GAS7: variants seen among roughly 807,000 people sequenced by gnomAD.
GAS7 encodes the protein growth arrest specific 7.
A neutral mutation model predicts 71.1 loss-of-function variants in GAS7; 28 were observed. The ratio of observed to expected loss-of-function variants is 0.39; its 90% CI spans 0.29 to 0.54. The LOEUF is 0.54. Among genes scored for constraint, GAS7 ranks in the 20% least tolerant of loss-of-function variants. The pLI is 0.62. For synonymous variants in GAS7, 258 were observed against 245.8 expected (o/e 1.05, Z -0.46); for missense variants, 436 against 627.8 (o/e 0.69, Z 3.27).
intron 1 of GAS7, among the ~76,000 whole-genome samples, chr17:10,143,562 T>C (rs1485185236): frequency 8.3e-6 from 1 of 120,670 alleles, no homozygotes; most frequent in South Asian, 2.5e-4. Context: ...AAAAAAAAAT[T>C]GGACATAAAG....
Position 9,913,020 on chromosome 17 carries a change from TAATC to T in GAS7, c.*4204_*4207del, listed in dbSNP as rs1179940683. ...GAAAAGGCAAAATTATAGGATCAGA[TAATC>T]AATCAGGGTTGCCAGGGAAAGAGGG... On this transcript the variant is annotated 3_prime_UTR_variant, in exon 14 of 14. Transcript: ENST00000432992. 1 of 232,658 alleles carries T rather than the reference TAATC, an allele frequency of 4.3e-6. No individual in the cohort carries two copies. The highest frequency in any genetic ancestry group is 8.5e-6 in the Non-Finnish European group (1 of 117,742). 14.4% of individuals were successfully genotyped at this position (232,658 alleles called of 1,614,324 possible). A position where few individuals can be genotyped will look rare whatever the true frequency, so the allele number is the denominator to read the frequency against.
chr17:9,932,469 A>G (rs1374056982), intron 9 of GAS7, among the ~76,000 whole-genome samples: 1 of 152,226 alleles, frequency 6.6e-6, no homozygotes, highest in Non-Finnish European at 1.5e-5. Flanking sequence ...CTGGGATTAC[A>G]GGCGTGAGCC....
At chr17:10,070,584 G>A (rs919092389) in intron 1 of GAS7, among the ~76,000 whole-genome samples, 5 of 151,828 alleles carry the variant, frequency 3.3e-5, no homozygotes, top group Admixed American at 1.3e-4. Context: ...GGCTGGTCTC[G>A]AACTCCTGAC....
chr17:9,934,800 A>ATCTTGGC (rs2068339115), intron 8 of GAS7, among the ~76,000 whole-genome samples: 1 of 152,194 alleles, frequency 6.6e-6, no homozygotes, highest in Non-Finnish European at 1.5e-5. Flanking sequence ...CAATGGCGCG[A>ATCTTGGC]TCTTGGCTCA....
At chr17:10,073,639 T>C (rs969948764) in intron 1 of GAS7, among the ~76,000 whole-genome samples, 7 of 152,164 alleles carry the variant, frequency 4.6e-5, no homozygotes, top group African/African-American at 1.7e-4. Context: ...CGTGCGCACA[T>C]TAACGTTTGA....
chr17:9,926,296 G>A lies in GAS7; in HGVS notation c.1014+345C>T, dbSNP rs1323807313. On this transcript the variant is annotated intron_variant, in intron 10 of 13. Coordinates refer to ENST00000432992, the MANE Select transcript of GAS7 (RefSeq NM_201433.2). This position sits in a 1 kb window ranked among gnomAD's most constrained non-coding sequence, Gnocchi z 5.0. ...GACTGAGTCAGGACGACTCAGCCAG[G>A]TGAGGCTTAAACACGGGGCCCCACG... Among the ~76,000 whole-genome samples, 1 of 152,140 alleles carries A rather than the reference G, an allele frequency of 6.6e-6. No homozygotes were observed. The highest frequency in any genetic ancestry group is 1.5e-5 in the Non-Finnish European group (1 of 67,998).
chr17:10,022,919 C>T (rs966958421), intron 1 of GAS7, among the ~76,000 whole-genome samples: 2 of 152,198 alleles, frequency 1.3e-5, no homozygotes, highest in African/African-American at 2.4e-5. Flanking sequence ...GAGGGCTGGG[C>T]AGTGAGGAGA....
intron 5 of GAS7, among the ~76,000 whole-genome samples, chr17:9,956,746 C>T (rs1597540280): frequency 6.6e-6 from 1 of 152,206 alleles, no homozygotes; most frequent in East Asian, 1.9e-4. Context: ...CCCTTTGCTG[C>T]CCAGGCCTGG....
chr17:10,138,157 G>A (rs1020579479), intron 1 of GAS7, among the ~76,000 whole-genome samples: 10 of 151,448 alleles, frequency 6.6e-5, no homozygotes, highest in Non-Finnish European at 1.2e-4. Flanking sequence ...AGTAGAGACC[G>A]GGTTTCACCA....
chr17:9,987,028 G>A (rs1299584105), intron 2 of GAS7, among the ~76,000 whole-genome samples: 1 of 152,202 alleles, frequency 6.6e-6, no homozygotes, highest in East Asian at 1.9e-4. Flanking sequence ...TCCAATACAA[G>A]ATTCCCTAAT....
intron 2 of GAS7, among the ~76,000 whole-genome samples, chr17:10,010,934 A>G (rs1316974215): frequency 6.6e-6 from 1 of 152,250 alleles, no homozygotes; most frequent in East Asian, 1.9e-4. Context: ...ACAAAAGGGC[A>G]TGGCTGTGTT....
At position 9,936,185 on chromosome 17, in the gene GAS7, T is replaced by C. The variant is rs138020361; in HGVS notation, c.807-1941A>G. On this transcript the variant is annotated intron_variant, in intron 8 of 13. Transcript: ENST00000432992. ...CTCTAGGGTGAAAGCCAACACTATT[T>C]GAAGCATACCAAGGTTGTCCTGGGA... 7.7e-4 allele frequency among the ~76,000 whole-genome samples: 117 copies of C among 152,268 alleles called. 1 individual carries two copies. The highest frequency in any genetic ancestry group is 2.7e-3 in the African/African-American group (113 of 41,542).
At chr17:9,937,727 C>T (rs1488207080) in intron 8 of GAS7, among the ~76,000 whole-genome samples, 1 of 152,212 alleles carries the variant, frequency 6.6e-6, no homozygotes, top group Non-Finnish European at 1.5e-5. Context: ...CAGATTTGGA[C>T]TGGTTTAACA....
chr17:10,004,880 C>G (rs914134893), intron 2 of GAS7, among the ~76,000 whole-genome samples: 4 of 152,208 alleles, frequency 2.6e-5, no homozygotes, highest in Non-Finnish European at 4.4e-5. Context: ...TGTGGTGGCG[C>G]ATGCCTGTAA....
chr17:10,122,578 T>G (rs560613914), intron 1 of GAS7, among the ~76,000 whole-genome samples: 1 of 152,154 alleles, frequency 6.6e-6, no homozygotes, highest in Non-Finnish European at 1.5e-5. Flanking sequence ...TTAACAGCCA[T>G]GAAGAGGGGG....
intron 1 of GAS7, among the ~76,000 whole-genome samples, chr17:10,176,207 G>A (rs1430197304): frequency 3.3e-5 from 5 of 149,408 alleles, no homozygotes; most frequent in South Asian, 2.1e-4. Context: ...TTTCCTAATC[G>A]GATAGCAGGG....
At chr17:10,141,620 G>A (rs1156309271) in intron 1 of GAS7, among the ~76,000 whole-genome samples, 1 of 152,048 alleles carries the variant, frequency 6.6e-6, no homozygotes, top group African/African-American at 2.4e-5. Context: ...GGCCCAACAA[G>A]GCAGCATCAA....
intron 2 of GAS7, among the ~76,000 whole-genome samples, chr17:10,015,326 G>C (rs11867773): frequency 6.6e-6 from 1 of 152,172 alleles, no homozygotes; most frequent in Admixed American, 6.5e-5. Context: ...GACTAGAAGC[G>C]TCTGGAAGAA....
At chr17:10,161,671 A>G (rs1597827988) in intron 1 of GAS7, among the ~76,000 whole-genome samples, 1 of 152,220 alleles carries the variant, frequency 6.6e-6, no homozygotes, top group Admixed American at 6.5e-5. Context: ...ATTAACTATT[A>G]CATTTAAATC....
Sources: gnomAD v4.1 joint callset for allele counts (sites outside exome capture counted in the v4.1 genomes callset) on GRCh38, gnomAD v4.1.1 for gene constraint, Gnocchi (gnomAD v3.1) non-coding constraint, MANE v1.5 for transcripts, NCBI Gene and HGNC (gene_info 2026-07-23, HGNC 2026-07-21) for gene names.